Variants in FGF14 observed in about 807,000 individuals in gnomAD.
The protein encoded by FGF14 is fibroblast growth factor homologous factor 4.
A neutral mutation model predicts 25.5 loss-of-function variants in FGF14; 5 were observed. That is an observed-to-expected ratio of 0.20 (90% CI 0.10 to 0.41). The LOEUF is 0.41. FGF14 is among the 10% of genes least tolerant of loss of function. The pLI is 1.00. For missense variants in FGF14, 222 were observed against 320.1 expected (o/e 0.69, Z 2.34); for synonymous variants, 138 against 118.3 (o/e 1.17, Z -1.08).
At chr13:101,904,339 T>G (rs563397923) in intron 1 of FGF14, among the ~76,000 whole-genome samples, 4 of 152,034 alleles carry the variant, frequency 2.6e-5, no homozygotes, top group African/African-American at 9.7e-5. Context: ...CAGGTGAAAT[T>G]TGGGGTATTT....
chr13:101,908,154 G>A (rs972405754), intron 1 of FGF14, among the ~76,000 whole-genome samples: 3 of 152,088 alleles, frequency 2.0e-5, no homozygotes, highest in African/African-American at 7.2e-5. Flanking sequence ...AAAAAGAAAT[G>A]TACCAAGGGG....
At chr13:102,361,508 A>G (rs1291209621) in intron 1 of FGF14, among the ~76,000 whole-genome samples, 1 of 151,686 alleles carries the variant, frequency 6.6e-6, no homozygotes, top group Non-Finnish European at 1.5e-5. Context: ...TTTCTTTCAT[A>G]GCACACGTAC....
intron 3 of FGF14, among the ~76,000 whole-genome samples, chr13:101,858,207 G>T (rs1312874639): frequency 6.9e-6 from 1 of 144,280 alleles, no homozygotes; most frequent in Non-Finnish European, 1.5e-5. Context: ...CCTCCCAGAA[G>T]TAGGAAGAAG....
chr13:102,340,595 T>C (rs905897334), intron 1 of FGF14, among the ~76,000 whole-genome samples: 2 of 152,210 alleles, frequency 1.3e-5, no homozygotes, highest in Non-Finnish European at 2.9e-5. Context: ...TGTCTAACTA[T>C]CATATTTCCT....
intron 1 of FGF14, among the ~76,000 whole-genome samples, chr13:102,071,300 A>G (rs890675022): frequency 4.1e-4 from 63 of 152,238 alleles, no homozygotes; most frequent in African/African-American, 1.4e-3. Context: ...CAAAGGAAAA[A>G]CTACCGAAGC....
At chr13:102,035,096 G>C (rs1422637189) in intron 1 of FGF14, among the ~76,000 whole-genome samples, 1 of 152,080 alleles carries the variant, frequency 6.6e-6, no homozygotes, top group Non-Finnish European at 1.5e-5. Flanking sequence ...GAAATCAAGT[G>C]AGGTTGTCTG....
At chr13:101,760,441 G>A (rs186372181) in intron 3 of FGF14, among the ~76,000 whole-genome samples, 19 of 152,202 alleles carry the variant, frequency 1.2e-4, no homozygotes, top group Admixed American at 7.2e-4. Flanking sequence ...AAAGACTGTC[G>A]CAGGGAGAGT....
At chr13:102,380,877 T>C (rs1405157046) in intron 1 of FGF14, among the ~76,000 whole-genome samples, 3 of 152,196 alleles carry the variant, frequency 2.0e-5, no homozygotes, top group Non-Finnish European at 4.4e-5. Context: ...AAGATAAATA[T>C]AGCTGCTCCT....
intron 1 of FGF14, among the ~76,000 whole-genome samples, chr13:102,347,888 G>T (rs923414754): frequency 6.6e-6 from 1 of 152,048 alleles, no homozygotes; most frequent in Non-Finnish European, 1.5e-5. Flanking sequence ...AATATAAACA[G>T]TGATGATCTC....
intron 1 of FGF14, among the ~76,000 whole-genome samples, chr13:101,954,138 T>G (rs1011615176): frequency 2.0e-5 from 3 of 152,146 alleles, no homozygotes; most frequent in African/African-American, 7.2e-5. Context: ...CCATGGTCAG[T>G]GTTGAGAACA....
chr13:102,071,565 A>G (rs1352658349), intron 1 of FGF14, among the ~76,000 whole-genome samples: 1 of 152,246 alleles, frequency 6.6e-6, no homozygotes, highest in Admixed American at 6.5e-5. Flanking sequence ...CAAAAGCAAC[A>G]GTAAACTGAG....
Position 101,933,616 on chromosome 13 carries a change from C to T in FGF14, c.209-58320G>A, listed in dbSNP as rs140190550. ...GCGAATGCCTGTAGTCCCAGCTACTCGGGAGGCTGAGGCGGCAGAATCACT... is the reference window on the plus strand; with the variant it reads ...GCGAATGCCTGTAGTCCCAGCTACTTGGGAGGCTGAGGCGGCAGAATCACT... On this transcript the variant is annotated intron_variant, in intron 1 of 4. Coordinates refer to the FGF14 transcript ENST00000376131. 2.2e-3 allele frequency among the ~76,000 whole-genome samples: 334 copies of T among 152,182 alleles called. 2 individuals carry two copies. Among genetic ancestry groups the T allele is most frequent in the African/African-American group, 7.5e-3 (311 of 41,530 alleles).
At chr13:102,248,105 G>A (rs943823628) in intron 1 of FGF14, among the ~76,000 whole-genome samples, 4 of 152,094 alleles carry the variant, frequency 2.6e-5, no homozygotes, top group Admixed American at 6.6e-5. Flanking sequence ...AGTGTGGGAG[G>A]AGGGAGAGGA....
chr13:102,383,718 T>C (rs2058238377), intron 1 of FGF14, among the ~76,000 whole-genome samples: 2 of 151,846 alleles, frequency 1.3e-5, no homozygotes, highest in South Asian at 4.1e-4. Context: ...GGATTGACCA[T>C]CCCCAGCAAT....
chr13:102,401,598 C>T (rs1309195990), exon 1 of FGF14: 3 of 1,613,940 alleles, frequency 1.9e-6, no homozygotes, highest in African/African-American at 1.3e-5. Context: ...GCTTAGACAC[C>T]CTGAGAAAGA....
At chr13:102,358,715 A>G (rs1023746581) in intron 1 of FGF14, among the ~76,000 whole-genome samples, 2 of 152,212 alleles carry the variant, frequency 1.3e-5, no homozygotes, top group African/African-American at 4.8e-5. Flanking sequence ...GATAATGAAG[A>G]TATTGGAAAG....
intron 1 of FGF14, among the ~76,000 whole-genome samples, chr13:102,320,073 CTG>C (rs1303505887): frequency 2.0e-5 from 3 of 152,000 alleles, no homozygotes; most frequent in Non-Finnish European, 4.4e-5. Context: ...GCATGTGCCT[CTG>C]TGTGCGTGTG....
intron 1 of FGF14, among the ~76,000 whole-genome samples, chr13:102,052,412 C>T (rs2042250144): frequency 6.6e-6 from 1 of 151,758 alleles, no homozygotes. Flanking sequence ...TCAATCTAAA[C>T]AAGACTATAC....
At chr13:102,170,500 C>T (rs954656032) in intron 1 of FGF14, among the ~76,000 whole-genome samples, 2 of 152,012 alleles carry the variant, frequency 1.3e-5, no homozygotes, top group Non-Finnish European at 2.9e-5. Flanking sequence ...AGAAGCACAG[C>T]GTGACATTTC....
Sources: allele counts gnomAD v4.1 joint callset (sites outside exome capture counted in the v4.1 genomes callset), GRCh38; gene constraint gnomAD v4.1.1; transcripts MANE v1.5; gene names NCBI Gene and HGNC (gene_info 2026-07-23, HGNC 2026-07-21).